Variants in CADM2 observed in about 807,000 individuals in gnomAD.
CADM2 encodes the protein immunoglobulin superfamily member 4D.
CADM2 carries 12 observed loss-of-function variants against 49.8 expected under a neutral mutation model. The observed-to-expected ratio is 0.24, with a 90% CI of 0.15 to 0.39. The LOEUF is 0.39. CADM2 is among the 10% of genes least tolerant of loss of function. The probability of loss-of-function intolerance (pLI) is 1.00; values close to 1 mark genes in which losing one functional copy is unlikely to be tolerated. For synonymous variants in CADM2, 214 were observed against 175.4 expected, an observed-to-expected ratio of 1.22 and a Z score of -1.74; for missense variants, 378 against 492.3, an observed-to-expected ratio of 0.77 and a Z score of 2.20.
At chr3:85,781,098 C>T (rs1262269783) in intron 2 of CADM2, among the ~76,000 whole-genome samples, 1 of 152,170 alleles carries the variant, frequency 6.6e-6, no homozygotes, top group East Asian at 1.9e-4. Flanking sequence ...ATCACAAGAA[C>T]TGGCCAATGA....
chr3:84,983,235 T>C (rs1365908800), intron 1 of CADM2, among the ~76,000 whole-genome samples: 3 of 152,134 alleles, frequency 2.0e-5, no homozygotes, highest in African/African-American at 7.2e-5. Context: ...GTTTTTTTCA[T>C]CTGTTTCTTA....
intron 6 of CADM2, among the ~76,000 whole-genome samples, chr3:85,929,917 G>A (rs545585916): frequency 2.0e-5 from 3 of 151,970 alleles, no homozygotes; most frequent in African/African-American, 7.2e-5. Flanking sequence ...AAATAATAAT[G>A]ACATAGATCT....
chr3:85,017,645 T>G (rs1005767294), intron 1 of CADM2, among the ~76,000 whole-genome samples: 1 of 152,154 alleles, frequency 6.6e-6, no homozygotes, highest in Non-Finnish European at 1.5e-5. Flanking sequence ...TCATACAGCC[T>G]TTTTCACCTT....
chr3:85,727,573 T>C (rs1468695254), intron 2 of CADM2, among the ~76,000 whole-genome samples: 1 of 152,174 alleles, frequency 6.6e-6, no homozygotes, highest in Non-Finnish European at 1.5e-5. Flanking sequence ...ATAAATACAT[T>C]CACAGCAATT....
At chr3:86,014,604 C>T in intron 8 of CADM2, 1 of 1,599,636 alleles carries the variant, frequency 6.3e-7, no homozygotes, top group Non-Finnish European at 8.5e-7. Context: ...TATTCAGGAA[C>T]TTAAAGATAT....
chr3:86,021,364 A>T (rs1161676935), intron 8 of CADM2, among the ~76,000 whole-genome samples: 2 of 152,064 alleles, frequency 1.3e-5, no homozygotes, highest in African/African-American at 4.8e-5. Context: ...CCATTTAATT[A>T]TGTTGCTTCC....
intron 1 of CADM2, among the ~76,000 whole-genome samples, chr3:85,102,677 T>G (rs13061527): frequency 0.47 from 70,919 of 151,996 alleles, 18,575 homozygotes; most frequent in Non-Finnish European, 0.61. Context: ...CCTCAAAAAC[T>G]AGAATTGTCT....
intron 2 of CADM2, among the ~76,000 whole-genome samples, chr3:85,787,899 A>G (rs1043616794): frequency 2.0e-5 from 3 of 151,950 alleles, no homozygotes; most frequent in Non-Finnish European, 4.4e-5. Flanking sequence ...GATATTTTTC[A>G]GTTCTTTCAA....
At chr3:86,035,117 A>G (rs1734996037) in intron 8 of CADM2, among the ~76,000 whole-genome samples, 1 of 152,068 alleles carries the variant, frequency 6.6e-6, no homozygotes, top group Non-Finnish European at 1.5e-5. Context: ...TTAGCATGGC[A>G]TACAAAATCA....
chr3:86,009,277 G>T (rs1214129926), intron 8 of CADM2, among the ~76,000 whole-genome samples: 4 of 148,746 alleles, frequency 2.7e-5, no homozygotes, highest in South Asian at 2.1e-4. Flanking sequence ...AAGCAAAATG[G>T]TATATACGTA....
At chr3:85,297,058 T>A (rs2043982122) in intron 1 of CADM2, among the ~76,000 whole-genome samples, 1 of 152,088 alleles carries the variant, frequency 6.6e-6, no homozygotes, top group Admixed American at 6.6e-5. Flanking sequence ...AGAGACACTA[T>A]CTTATAAATC....
intron 1 of CADM2, among the ~76,000 whole-genome samples, chr3:85,632,847 A>G (rs1391816507): frequency 6.6e-6 from 1 of 152,222 alleles, no homozygotes; most frequent in Non-Finnish European, 1.5e-5. Flanking sequence ...TTGTCTGGAA[A>G]TTTAATATGA....
rs867682262 is a variant in CADM2 at position 85,912,470 on chromosome 3, G to C, written c.627G>C (p.Ala209=). Residue 209 remains alanine (A), a synonymous_variant, in exon 6 of 10, where the codon GCG becomes GCC. Coordinates refer to ENST00000383699, the MANE Select transcript of CADM2 (RefSeq NM_001167675.2). ...FRVDRSDDGV[A]VICRVDHESL... is the part of the protein sequence containing the mutation. ...TGGACCGGAGTGATGATGGAGTGGC[G>C]GTCATCTGCAGAGTAGATCACGAAT... 6.2e-7 allele frequency: 1 copy of C among 1,613,956 alleles called. No homozygotes were observed. The highest frequency in any genetic ancestry group is 8.5e-7 in the Non-Finnish European group (1 of 1,180,002).
chr3:85,816,211 A>G (rs373085988), intron 3 of CADM2, among the ~76,000 whole-genome samples: 4 of 149,312 alleles, frequency 2.7e-5, no homozygotes, highest in Middle Eastern at 3.6e-3. Context: ...TTGGAAATGG[A>G]GCTTTTTTTT....
chr3:85,058,784 T>A (rs1049554422), intron 1 of CADM2, among the ~76,000 whole-genome samples: 4 of 152,098 alleles, frequency 2.6e-5, no homozygotes, highest in Non-Finnish European at 5.9e-5. Context: ...TATAACTGAT[T>A]GTTTATAGAT....
intron 1 of CADM2, among the ~76,000 whole-genome samples, chr3:85,578,228 G>A (rs1438718145): frequency 6.6e-6 from 1 of 152,058 alleles, no homozygotes; most frequent in African/African-American, 2.4e-5. Context: ...AGTCTGCATT[G>A]TCAGATGCAC....
At chr3:85,390,247 G>C (rs2034453651) in intron 1 of CADM2, among the ~76,000 whole-genome samples, 1 of 151,984 alleles carries the variant, frequency 6.6e-6, no homozygotes, top group African/African-American at 2.4e-5. Context: ...AACTCTCCCT[G>C]ACTGAGGCTT....
At chr3:85,684,219 T>G (rs1425475761) in intron 1 of CADM2, among the ~76,000 whole-genome samples, 1 of 152,240 alleles carries the variant, frequency 6.6e-6, no homozygotes, top group Non-Finnish European at 1.5e-5. Flanking sequence ...TCTAATGATA[T>G]GAAAGGATTA....
chr3:85,656,862 T>G (rs1402566586), intron 1 of CADM2, among the ~76,000 whole-genome samples: 1 of 152,112 alleles, frequency 6.6e-6, no homozygotes, highest in Non-Finnish European at 1.5e-5. Flanking sequence ...CCTAATAAAT[T>G]AAATTCAAAC....
Sources: allele counts gnomAD v4.1 joint callset (sites outside exome capture counted in the v4.1 genomes callset), GRCh38; gene constraint gnomAD v4.1.1; transcripts MANE v1.5; gene names NCBI Gene and HGNC (gene_info 2026-07-23, HGNC 2026-07-21).